CD58: variants seen among roughly 807,000 people sequenced by gnomAD.
The protein encoded by CD58 is lymphocyte function-associated antigen 3.
Under a neutral mutation model 27.6 loss-of-function variants are expected in CD58, and 14 were observed. That is an observed-to-expected ratio of 0.51 (90% CI 0.34 to 0.79). The LOEUF is 0.79. Ranked by LOEUF, CD58 falls within the 30% of genes least tolerant of loss-of-function variation. The probability of loss-of-function intolerance (pLI) is 0.02; values close to 1 mark genes in which losing one functional copy is unlikely to be tolerated. For missense variants in CD58, 268 were observed against 301.7 expected (o/e 0.89, Z 0.83); for synonymous variants, 117 against 103.8 (o/e 1.13, Z -0.77).
chr1:116,545,521 A>C (rs1658139205), intron 1 of CD58, among the ~76,000 whole-genome samples: 1 of 152,170 alleles, frequency 6.6e-6, no homozygotes, highest in Non-Finnish European at 1.5e-5. Flanking sequence ...TTCAGTGATG[A>C]GGGTGGGGGA....
At chr1:116,558,708 A>G (rs944093427) in intron 1 of CD58, among the ~76,000 whole-genome samples, 3 of 152,316 alleles carry the variant, frequency 2.0e-5, no homozygotes, top group South Asian at 2.1e-4. Flanking sequence ...ACTCTTGCCT[A>G]GCTCTTAGCA....
chr1:116,553,574 C>T (rs1428693688), intron 1 of CD58, among the ~76,000 whole-genome samples: 1 of 151,858 alleles, frequency 6.6e-6, no homozygotes, highest in East Asian at 1.9e-4. Context: ...GGTGTCTTTC[C>T]CTAAGAAAGG....
In CD58 at chr1:116,519,380, A is replaced by G; in HGVS notation, c.707-113T>C. 1 of 901,546 alleles carries G rather than the reference A, an allele frequency of 1.1e-6. No individual in the cohort carries two copies. The highest frequency in any genetic ancestry group is 1.6e-5 in the African/African-American group (1 of 60,854). The allele number at this position is 901,546 out of a possible 1,614,324, so 55.8% of individuals were successfully genotyped here. On this transcript the variant is annotated intron_variant, in intron 4 of 5. Coordinates refer to ENST00000369489, the MANE Select transcript of CD58 (RefSeq NM_001779.3). The surrounding 1 kb of genome is among the most constrained non-coding windows in gnomAD (Gnocchi z 4.7). ...ATATGGAAAACTAAGCCAGAGCCCCATCACCCTGGGATTTCCTGCTATCCT... is the reference window on the plus strand; with the variant it reads ...ATATGGAAAACTAAGCCAGAGCCCCGTCACCCTGGGATTTCCTGCTATCCT...
chr1:116,553,009 T>A (rs1658441496), intron 1 of CD58, among the ~76,000 whole-genome samples: 1 of 152,144 alleles, frequency 6.6e-6, no homozygotes, highest in Non-Finnish European at 1.5e-5. Context: ...TTTTTTTTTA[T>A]GTTTAATTTT....
At chr1:116,562,514 A>AAT (rs1658788733) in intron 1 of CD58, among the ~76,000 whole-genome samples, 1 of 152,104 alleles carries the variant, frequency 6.6e-6, no homozygotes, top group Non-Finnish European at 1.5e-5. Context: ...GGGGTGTATT[A>AAT]GTCCATTCTC....
Position 116,528,455 on chromosome 1 carries a change from T to C in CD58, c.629-6472A>G, listed in dbSNP as rs970721680. Among the ~76,000 whole-genome samples the C allele has an allele frequency of 1.3e-5, 2 of 152,308 alleles. No homozygotes were observed. The highest frequency in any genetic ancestry group is 6.5e-5 in the Admixed American group (1 of 15,300). ...CCACACAGCTATGAAAGAAAGATCA[T>C]CTAGTTGAACTCAGAACAATGTTTG... On this transcript the variant is annotated intron_variant, in intron 3 of 5. Coordinates refer to ENST00000369489, the MANE Select transcript of CD58 (RefSeq NM_001779.3). The surrounding 1 kb of genome is among the most constrained non-coding windows in gnomAD (Gnocchi z 4.4).
In CD58 at chr1:116,524,695, A is replaced by C. The variant is rs971709595; in HGVS notation, c.629-2712T>G. On this transcript the variant is annotated intron_variant, in intron 3 of 5. Transcript: ENST00000369489. This position sits in a 1 kb window ranked among gnomAD's most constrained non-coding sequence, Gnocchi z 4.6. The stretch of plus-strand genomic sequence containing the variant: ...TCATTTGCATTTTCCTGCAATACAT[A>C]CTCAACAGTAACCAAATACCAGCAT... Among the ~76,000 whole-genome samples, 5 of 152,344 alleles carry C rather than the reference A, an allele frequency of 3.3e-5. No individual in the cohort carries two copies. In the South Asian group the frequency reaches 1.0e-3, roughly 32 times the overall value.
rs1471386291 is a variant in CD58 at position 116,552,933 on chromosome 1, A to G, written c.71-8329T>C. Among the ~76,000 whole-genome samples, 6 of 152,166 alleles carry G rather than the reference A, an allele frequency of 3.9e-5. No individual in the cohort carries two copies. Among genetic ancestry groups the G allele is most frequent in the Non-Finnish European group, 5.9e-5 (4 of 68,034 alleles). On this transcript the variant is annotated intron_variant, in intron 1 of 5. Coordinates refer to ENST00000369489, the MANE Select transcript of CD58 (RefSeq NM_001779.3). The surrounding 1 kb of genome is among the most constrained non-coding windows in gnomAD (Gnocchi z 4.5). ...CATTGTTTACAAAAAAGACTTTGGC[A>G]ATTTACATCTCCATCAGTAATGCCT...
intron 5 of CD58, chr1:116,518,783 C>A: frequency 9.9e-7 from 1 of 1,006,064 alleles, no homozygotes; most frequent in Non-Finnish European, 1.2e-6. Context: ...AGCTCTGACC[C>A]TGGCTCCTGA....
chr1:116,533,454 G>C (rs1289174979), intron 3 of CD58: 1 of 747,814 alleles, frequency 1.3e-6, no homozygotes, highest in Non-Finnish European at 2.5e-6. Flanking sequence ...GCAGTCATTG[G>C]GTTGAAAGTG....
intron 5 of CD58, 27 bp from the exon 6 acceptor site, chr1:116,514,849 T>C: frequency 6.5e-7 from 1 of 1,537,662 alleles, no homozygotes; most frequent in Non-Finnish European, 9.0e-7. Context: ...TATTATTAAC[T>C]TGTAAAATGC....
chr1:116,532,863 G>C lies in CD58; in HGVS notation c.628+3102C>G. ...CTGTCGACGGGATTGTGCCGCATGC[G>C]GCAAAGACTGAGGCCTCCCGCTACA... On this transcript the variant is annotated intron_variant, in intron 3 of 5. Coordinates refer to ENST00000369489, the MANE Select transcript of CD58 (RefSeq NM_001779.3). This position sits in a 1 kb window ranked among gnomAD's most constrained non-coding sequence, Gnocchi z 5.1. The C allele has an allele frequency of 3.1e-6, 2 of 654,402 alleles. No individual in the cohort carries two copies. Among genetic ancestry groups the C allele is most frequent in the Non-Finnish European group, 5.4e-6 (2 of 367,100 alleles). The allele number at this position is 654,402 out of a possible 1,614,324, so 40.5% of individuals were successfully genotyped here.
rs1389982584 is a variant in CD58, at chr1:116,532,359, A to G, written c.628+3606T>C. On this transcript the variant is annotated intron_variant, in intron 3 of 5. Coordinates refer to ENST00000369489, the MANE Select transcript of CD58 (RefSeq NM_001779.3). This position sits in a 1 kb window ranked among gnomAD's most constrained non-coding sequence, Gnocchi z 5.1. ...AGCTGGTGTGCCACAACCCTGACCC[A>G]ACCCTTAAAAAAGAAGATCAAAAAG... Among the ~76,000 whole-genome samples, 3 of 152,220 alleles carry G rather than the reference A, an allele frequency of 2.0e-5. No individual in the cohort carries two copies. Among genetic ancestry groups the G allele is most frequent in the African/African-American group, 7.2e-5 (3 of 41,452 alleles).
In CD58 at chr1:116,555,231, A is replaced by T. The variant is rs149587195; in HGVS notation, c.71-10627T>A. Among the ~76,000 whole-genome samples the T allele has an allele frequency of 1.8e-3, 276 of 152,194 alleles. 2 individuals carry two copies. Among genetic ancestry groups the T allele is most frequent in the African/African-American group, 6.3e-3 (261 of 41,520 alleles). On this transcript the variant is annotated intron_variant, in intron 1 of 5. Transcript: ENST00000369489. ...GGTGAACTCCCAAAGGCCTCCCCAC[A>T]CTAGATCTCCTCAGCTGTGAAGTAG...
At chr1:116,542,520 T>TTCTG (rs1658023374) in intron 2 of CD58, among the ~76,000 whole-genome samples, 1 of 152,178 alleles carries the variant, frequency 6.6e-6, no homozygotes, top group South Asian at 2.1e-4. Context: ...AATAAGTGAA[T>TTCTG]ATGGACAACT....
In CD58 at chr1:116,531,202, C is replaced by A. The variant is rs943484810; in HGVS notation, c.628+4763G>T. On this transcript the variant is annotated intron_variant, in intron 3 of 5. Transcript: ENST00000369489. This position sits in a 1 kb window ranked among gnomAD's most constrained non-coding sequence, Gnocchi z 4.5. ...TAAGAGTAATTTTACTTTGTGTCTT[C>A]AAATTCTAATGGCAAACATAAAGTT... Among the ~76,000 whole-genome samples, 3 of 152,108 alleles carry A rather than the reference C, an allele frequency of 2.0e-5. No individual in the cohort carries two copies. The highest frequency in any genetic ancestry group is 7.2e-5 in the African/African-American group (3 of 41,424).
In CD58 at chr1:116,532,933, T is replaced by C. The variant is rs1657666682; in HGVS notation, c.628+3032A>G. 3 of 1,071,260 alleles carry C rather than the reference T, an allele frequency of 2.8e-6. No homozygotes were observed. Among genetic ancestry groups the C allele is most frequent in the Non-Finnish European group, 4.1e-6 (3 of 730,228 alleles). 66.4% of individuals were successfully genotyped at this position (1,071,260 alleles called of 1,614,324 possible). On this transcript the variant is annotated intron_variant, in intron 3 of 5. Coordinates refer to ENST00000369489, the MANE Select transcript of CD58 (RefSeq NM_001779.3). The surrounding 1 kb of genome is among the most constrained non-coding windows in gnomAD (Gnocchi z 5.1). ...CGGTCTGCCAGGCGCCCACCTCCACTTCCTACTGCTGCTTGCATTCCGCCG... is the reference window on the plus strand; with the variant it reads ...CGGTCTGCCAGGCGCCCACCTCCACCTCCTACTGCTGCTTGCATTCCGCCG...
chr1:116,543,278 C>T (rs578238866), intron 2 of CD58, among the ~76,000 whole-genome samples: 4 of 152,112 alleles, frequency 2.6e-5, no homozygotes, highest in Admixed American at 6.5e-5. Context: ...CTGTCAGCAT[C>T]AGCATCATCA....
At chr1:116,533,463 T>C (rs1452631663) in intron 3 of CD58, 1 of 746,000 alleles carries the variant, frequency 1.3e-6, no homozygotes, top group East Asian at 2.5e-5. Context: ...GGGTTGAAAG[T>C]GGAACTCTTA....
Sources: allele counts gnomAD v4.1 joint callset (sites outside exome capture counted in the v4.1 genomes callset), GRCh38; gene constraint gnomAD v4.1.1; non-coding constraint Gnocchi (gnomAD v3.1); transcripts MANE v1.5; gene names NCBI Gene and HGNC (gene_info 2026-07-23, HGNC 2026-07-21).